Variants in LARP1B observed in about 807,000 individuals in gnomAD.
LARP1B encodes the protein La ribonucleoprotein 1B.
A neutral mutation model predicts 114.2 loss-of-function variants in LARP1B; 76 were observed. The ratio of observed to expected loss-of-function variants is 0.67; its 90% confidence interval spans 0.55 to 0.81. The LOEUF (loss-of-function observed/expected upper bound fraction) is 0.81. LARP1B is among the 30% of genes least tolerant of loss of function. The pLI is 0.00. For synonymous variants in LARP1B, 345 were observed against 348.0 expected (o/e 0.99, Z 0.10); for missense variants, 1,014 against 1,075.8 (o/e 0.94, Z 0.80).
In LARP1B at chr4:128,206,564, C is replaced by A. The variant is rs141681856; in HGVS notation, c.2419+27C>A. ...TAACAATAACATCAGAAAACTTGTA[C>A]TCTAATTGGAAATTGTAAACCTGAG... On this transcript the variant is annotated intron_variant, in intron 18 of 19. Coordinates refer to ENST00000326639, the MANE Select transcript of LARP1B (RefSeq NM_018078.4). 155 of 1,580,352 alleles carry A rather than the reference C, an allele frequency of 9.8e-5. 1 individual carries two copies. The East Asian group carries it at 3.3e-3, about 33-fold the overall frequency.
At chr4:128,156,875 A>AC (rs1735956177) in intron 11 of LARP1B, among the ~76,000 whole-genome samples, 1 of 151,280 alleles carries the variant, frequency 6.6e-6, no homozygotes, top group Non-Finnish European at 1.5e-5. Context: ...AAAAAAAAAA[A>AC]AAAAAAAAAA....
chr4:128,200,582 C>T lies in LARP1B; in HGVS notation c.2226C>T (p.Ser742=). The change falls in exon 17 of 20, where the codon TCC becomes TCT. Residue 742 remains serine, a synonymous_variant. Coordinates refer to ENST00000326639, the MANE Select transcript of LARP1B (RefSeq NM_018078.4). ...QEMNTLFRFW[S]FFLRDHFNKK... ...TGAATACCCTCTTTCGTTTCTGGTC[C>T]TTTTTCCTCAGAGATCACTTCAATA... 1 of 1,594,520 alleles carries T rather than the reference C, an allele frequency of 6.3e-7. No homozygotes were observed. Among genetic ancestry groups the T allele is most frequent in the South Asian group, 1.2e-5 (1 of 86,054 alleles).
chr4:128,089,423 C>T, intron 5 of LARP1B, among the ~76,000 whole-genome samples: 1 of 152,114 alleles, frequency 6.6e-6, no homozygotes. Flanking sequence ...GCAACCTCTG[C>T]CTCCCAGGTT....
chr4:128,092,780 A>C (rs897889469), intron 7 of LARP1B: 8 of 985,282 alleles, frequency 8.1e-6, no homozygotes, highest in Non-Finnish European at 9.6e-6. Context: ...GTTACAGTTG[A>C]TGCAAACACT....
rs115893493 is a variant in LARP1B, at chr4:128,205,188, G to A, written c.2310-1240G>A. On this transcript the variant is annotated intron_variant, in intron 17 of 19. Coordinates refer to ENST00000326639, the MANE Select transcript of LARP1B (RefSeq NM_018078.4). ...TTGGCTTGCCAGACCATCACTCTTCGTCTTGTAAATAAGCTGGTTGCAAAA... is the reference window on the plus strand; with the variant it reads ...TTGGCTTGCCAGACCATCACTCTTCATCTTGTAAATAAGCTGGTTGCAAAA... Among the ~76,000 whole-genome samples the A allele has an allele frequency of 2.4e-3, 360 of 152,276 alleles. 1 individual carries two copies. Among genetic ancestry groups the A allele is most frequent in the African/African-American group, 6.7e-3 (280 of 41,554 alleles).
intron 5 of LARP1B, among the ~76,000 whole-genome samples, chr4:128,086,566 C>T (rs772092789): frequency 2.4e-4 from 37 of 151,850 alleles, no homozygotes; most frequent in Admixed American, 4.6e-4. Context: ...TGGGCCCAAG[C>T]GATCTTCCAG....
At chr4:128,156,097 T>A (rs917078578) in intron 11 of LARP1B, 35 of 1,605,912 alleles carry the variant, frequency 2.2e-5, no homozygotes, top group African/African-American at 1.3e-5. Flanking sequence ...GGTCTTCACC[T>A]ACCCCAGCAC....
At chr4:128,171,914 A>ATT (rs769807581) in intron 12 of LARP1B, among the ~76,000 whole-genome samples, 1 of 143,220 alleles carries the variant, frequency 7.0e-6, no homozygotes. Flanking sequence ...TACTTTCAAG[A>ATT]TTTTTTTTTT....
intron 9 of LARP1B, chr4:128,108,909 G>T (rs1488916497): frequency 1.1e-6 from 1 of 894,970 alleles, no homozygotes; most frequent in African/African-American, 1.8e-5. Context: ...TCATAATGTT[G>T]TACATTTTTG....
At chr4:128,101,826 T>C (rs1780439288) in intron 8 of LARP1B, among the ~76,000 whole-genome samples, 1 of 152,182 alleles carries the variant, frequency 6.6e-6, no homozygotes, top group African/African-American at 2.4e-5. Flanking sequence ...AGCAAAGTGC[T>C]GTAGCCAACT....
At chr4:128,066,239 C>G (rs1178994320) in intron 1 of LARP1B, among the ~76,000 whole-genome samples, 1 of 133,252 alleles carries the variant, frequency 7.5e-6, no homozygotes, top group Non-Finnish European at 1.5e-5. Context: ...TGCAGTGGTG[C>G]AATCTCTGCT....
chr4:128,073,395 G>A (rs548307541), intron 1 of LARP1B, among the ~76,000 whole-genome samples: 22 of 128,306 alleles, frequency 1.7e-4, no homozygotes, highest in Non-Finnish European at 1.3e-4. Context: ...CAGCCTGGGC[G>A]ACAGAGTGAG....
intron 11 of LARP1B, among the ~76,000 whole-genome samples, chr4:128,156,863 T>TAAAA (rs56753518): frequency 1.2e-5 from 1 of 80,772 alleles, no homozygotes; most frequent in African/African-American, 5.0e-5. Context: ...GGCTTGAAGC[T>TAAAA]AAAAAAAAAA....
chr4:128,199,695 T>A (rs75275364), intron 16 of LARP1B, 96 bp downstream of exon 16: 10,217 of 544,778 alleles, frequency 0.019, 236 homozygotes, highest in East Asian at 0.1. Flanking sequence ...GTTAAGATAT[T>A]CTTTTATTGT....
In LARP1B at chr4:128,111,723, G is replaced by T. The variant is rs140479553; in HGVS notation, c.989-2847G>T. On this transcript the variant is annotated intron_variant, in intron 9 of 19. Transcript: ENST00000326639. ...TGTTTTGTTTTTGAGACAAAGTCTTGTTCTTGTCCCCCAGGCTGGAGTGCA... is the reference window on the plus strand; with the variant it reads ...TGTTTTGTTTTTGAGACAAAGTCTTTTTCTTGTCCCCCAGGCTGGAGTGCA... Among the ~76,000 whole-genome samples, 8 of 151,984 alleles carry T rather than the reference G, an allele frequency of 5.3e-5. No homozygotes were observed. In the East Asian group the frequency reaches 1.6e-3, roughly 30 times the overall value.
intron 1 of LARP1B, among the ~76,000 whole-genome samples, chr4:128,065,589 A>G (rs1762498043): frequency 6.6e-6 from 1 of 151,916 alleles, no homozygotes; most frequent in Admixed American, 6.6e-5. Flanking sequence ...TAGATAAAAG[A>G]GATTGTGGTG....
intron 4 of LARP1B, among the ~76,000 whole-genome samples, chr4:128,079,940 A>G (rs564426152): frequency 5.3e-4 from 80 of 151,966 alleles, no homozygotes; most frequent in Non-Finnish European, 8.7e-4. Context: ...TTGACTGTCT[A>G]GAATCCATAC....
At chr4:128,108,748 C>G in intron 9 of LARP1B, 1 of 985,204 alleles carries the variant, frequency 1.0e-6, no homozygotes, top group Non-Finnish European at 1.2e-6. Context: ...ATAGTTTTAG[C>G]TAGCTTATGA....
At chr4:128,109,685 CTGTAA>C (rs781186230) in intron 9 of LARP1B, among the ~76,000 whole-genome samples, 1 of 151,486 alleles carries the variant, frequency 6.6e-6, no homozygotes, top group Non-Finnish European at 1.5e-5. Flanking sequence ...CACAAGGGCA[CTGTAA>C]TGTAGTGTTT....
Sources: gnomAD v4.1 joint callset for allele counts (sites outside exome capture counted in the v4.1 genomes callset) on GRCh38, gnomAD v4.1.1 for gene constraint, MANE v1.5 for transcripts, NCBI Gene and HGNC (gene_info 2026-07-23, HGNC 2026-07-21) for gene names.